Variants in PCDH9 observed in about 807,000 individuals in gnomAD.
PCDH9 encodes the protein protocadherin 9.
In PCDH9, 24 loss-of-function variants were observed where a neutral mutation model predicts 70.6. That is an observed-to-expected ratio of 0.34 (90% CI 0.25 to 0.48). The LOEUF (loss-of-function observed/expected upper bound fraction) is 0.48. PCDH9 is among the 20% of genes least tolerant of loss of function. The pLI is 0.99. For missense variants in PCDH9, 1,281 were observed against 1,503.6 expected (o/e 0.85, Z 2.45); for synonymous variants, 562 against 558.5 (o/e 1.01, Z -0.09).
intron 3 of PCDH9, among the ~76,000 whole-genome samples, chr13:66,655,164 A>G (rs2077911580): frequency 6.6e-6 from 1 of 152,142 alleles, no homozygotes; most frequent in Admixed American, 6.5e-5. Flanking sequence ...AGACAAAAAA[A>G]ATGGAAAAGA....
At chr13:66,707,360 G>T (rs1308359887) in intron 3 of PCDH9, among the ~76,000 whole-genome samples, 1 of 152,084 alleles carries the variant, frequency 6.6e-6, no homozygotes, top group African/African-American at 2.4e-5. Context: ...TACGCACTTA[G>T]AAAAAAAGCA....
Position 66,978,850 on chromosome 13 carries a change from A to G in PCDH9, c.3037-75245T>C, listed in dbSNP as rs112020809. ...TATATGAATATGAATGTATGTATAT[A>G]TGTATATTTATATATGCATATGTAT... On this transcript the variant is annotated intron_variant, in intron 2 of 4. Transcript: ENST00000377865. Among the ~76,000 whole-genome samples, 300 of 150,926 alleles carry G rather than the reference A, an allele frequency of 2.0e-3. 2 individuals carry two copies. Among genetic ancestry groups the G allele is most frequent in the African/African-American group, 7.1e-3 (293 of 41,314 alleles).
rs942465266 is a variant in PCDH9, at chr13:66,440,805, T to C, written c.3341-135777A>G. 3.3e-5 allele frequency among the ~76,000 whole-genome samples: 5 copies of C among 152,254 alleles called. No individual in the cohort carries two copies. The South Asian group carries it at 8.3e-4, about 25-fold the overall frequency. On this transcript the variant is annotated intron_variant, in intron 4 of 4. Transcript: ENST00000377865. ...TAAGGAACCCTCATATTCTTATTCCTATTTTCTGTCTTTTTTCTTCTAGTT... is the reference window on the plus strand; with the variant it reads ...TAAGGAACCCTCATATTCTTATTCCCATTTTCTGTCTTTTTTCTTCTAGTT...
At chr13:66,517,133 T>C (rs115913980) in intron 4 of PCDH9, among the ~76,000 whole-genome samples, 123 of 152,250 alleles carry the variant, frequency 8.1e-4, no homozygotes, top group African/African-American at 2.8e-3. Context: ...ACATTTCTGG[T>C]ATCTTTAATT....
At chr13:66,641,629 T>A (rs142528024) in intron 3 of PCDH9, among the ~76,000 whole-genome samples, 41 of 152,234 alleles carry the variant, frequency 2.7e-4, no homozygotes, top group Admixed American at 1.1e-3. Flanking sequence ...GAAGGGACTG[T>A]CTCTAGCCAT....
chr13:66,754,485 G>A (rs116627781), intron 3 of PCDH9, among the ~76,000 whole-genome samples: 75 of 152,164 alleles, frequency 4.9e-4, no homozygotes, highest in African/African-American at 1.7e-3. Flanking sequence ...GATCAGGGAA[G>A]AGGCGAAGTC....
chr13:66,870,325 G>T (rs938153906), intron 3 of PCDH9, among the ~76,000 whole-genome samples: 5 of 152,106 alleles, frequency 3.3e-5, no homozygotes, highest in Non-Finnish European at 5.9e-5. Flanking sequence ...GGTTACTGTA[G>T]CCTTGTAGTA....
chr13:66,342,584 CA>C (rs1956146858), intron 4 of PCDH9, among the ~76,000 whole-genome samples: 2 of 152,002 alleles, frequency 1.3e-5, no homozygotes, highest in African/African-American at 4.8e-5. Flanking sequence ...ATTCAGGATG[CA>C]AACCCTTTCA....
At chr13:66,333,066 T>C (rs898765492) in intron 4 of PCDH9, among the ~76,000 whole-genome samples, 3 of 152,200 alleles carry the variant, frequency 2.0e-5, no homozygotes, top group Middle Eastern at 3.4e-3. Context: ...CTTTTAATTA[T>C]GATAGAATTG....
intron 4 of PCDH9, among the ~76,000 whole-genome samples, chr13:66,506,938 A>T (rs905130267): frequency 6.6e-6 from 1 of 152,240 alleles, no homozygotes; most frequent in South Asian, 2.1e-4. Context: ...GAAAACCTGG[A>T]AGGTTGTAAC....
chr13:66,569,916 A>G (rs948342413), intron 4 of PCDH9, among the ~76,000 whole-genome samples: 4 of 152,176 alleles, frequency 2.6e-5, no homozygotes, highest in African/African-American at 7.2e-5. Context: ...TTGGTTATTT[A>G]TCCAAGAAAT....
chr13:66,497,910 C>T lies in PCDH9; in HGVS notation c.3340+133300G>A, dbSNP rs187909826. On this transcript the variant is annotated intron_variant, in intron 4 of 4. Coordinates refer to ENST00000377865, the MANE Select transcript of PCDH9 (RefSeq NM_203487.3). ...CTTGGCTGACTGCAACTTCTGTCTC[C>T]CAGGTTCAAGTGACTTTCGTGCCTC... is the stretch of plus-strand genomic sequence containing the variant. Among the ~76,000 whole-genome samples, 36 of 150,298 alleles carry T rather than the reference C, an allele frequency of 2.4e-4. 1 individual carries two copies. In the East Asian group the frequency reaches 4.6e-3, roughly 19 times the overall value.
At chr13:67,185,819 G>A (rs190214171) in intron 2 of PCDH9, among the ~76,000 whole-genome samples, 13 of 152,254 alleles carry the variant, frequency 8.5e-5, no homozygotes, top group African/African-American at 2.6e-4. Flanking sequence ...TGCAATCTCC[G>A]CCTCCCGGAT....
rs184064946 is a variant in PCDH9 at position 66,822,633 on chromosome 13, A to G, written c.3138+80871T>C. Among the ~76,000 whole-genome samples the G allele has an allele frequency of 2.7e-5, 4 of 150,548 alleles. No individual in the cohort carries two copies. The East Asian group carries it at 7.9e-4, about 30-fold the overall frequency. Reference sequence around the variant, plus strand: ...CCTCTCCTCCTGGGTTCAAGGGATTATCTGGCCTCAGGCTCCCAAGTAGCT... The same window carrying G: ...CCTCTCCTCCTGGGTTCAAGGGATTGTCTGGCCTCAGGCTCCCAAGTAGCT... On this transcript the variant is annotated intron_variant, in intron 3 of 4. Coordinates refer to ENST00000377865, the MANE Select transcript of PCDH9 (RefSeq NM_203487.3).
intron 3 of PCDH9, among the ~76,000 whole-genome samples, chr13:66,709,203 A>G (rs1202619631): frequency 6.6e-6 from 1 of 152,218 alleles, no homozygotes; most frequent in East Asian, 1.9e-4. Context: ...ATTAACATTT[A>G]CAGACTTAGG....
chr13:66,954,372 C>T (rs2083233641), intron 2 of PCDH9, among the ~76,000 whole-genome samples: 2 of 152,036 alleles, frequency 1.3e-5, no homozygotes, highest in African/African-American at 2.4e-5. Context: ...GAGATTAAGT[C>T]CTTGGCACAA....
At chr13:66,363,780 C>G (rs982019123) in intron 4 of PCDH9, among the ~76,000 whole-genome samples, 1 of 152,056 alleles carries the variant, frequency 6.6e-6, no homozygotes, top group Non-Finnish European at 1.5e-5. Flanking sequence ...ATTCTTTTCC[C>G]CATGTTGTGT....
chr13:66,416,101 A>G (rs1168157120), intron 4 of PCDH9, among the ~76,000 whole-genome samples: 1 of 152,134 alleles, frequency 6.6e-6, no homozygotes, highest in African/African-American at 2.4e-5. Flanking sequence ...CTGTTTTTGT[A>G]GATTTTGCCA....
intron 4 of PCDH9, among the ~76,000 whole-genome samples, chr13:66,538,614 T>C (rs1327285745): frequency 1.3e-5 from 2 of 148,578 alleles, no homozygotes; most frequent in African/African-American, 2.4e-5. Flanking sequence ...CTCTTCCTTG[T>C]TGGGGGTCAA....
Sources: gnomAD v4.1 joint callset for allele counts (sites outside exome capture counted in the v4.1 genomes callset) on GRCh38, gnomAD v4.1.1 for gene constraint, MANE v1.5 for transcripts, NCBI Gene and HGNC (gene_info 2026-07-23, HGNC 2026-07-21) for gene names.